The following CUX1 variants were observed in gnomAD, a reference collection of about 807,000 sequenced individuals.
CUX1 encodes the protein cut like homeobox 1.
A neutral mutation model predicts 158.8 loss-of-function variants in CUX1; 31 were observed. The ratio of observed to expected loss-of-function variants is 0.20; its 90% CI spans 0.15 to 0.26. The LOEUF (loss-of-function observed/expected upper bound fraction) is 0.26, where lower values mean the gene tolerates loss of function less well. CUX1 is among the 10% of genes least tolerant of loss of function. The pLI, the probability that CUX1 is intolerant of heterozygous loss-of-function variation, is 1.00. For synonymous variants in CUX1, 879 were observed against 862.1 expected (o/e 1.02, Z -0.34); for missense variants, 1,589 against 2,014.6 (o/e 0.79, Z 4.04).
intron 3 of CUX1, among the ~76,000 whole-genome samples, chr7:102,049,309 G>A (rs114859887): frequency 0.011 from 1,724 of 152,314 alleles, 36 homozygotes; most frequent in African/African-American, 0.038. Flanking sequence ...GCTTCGTTCC[G>A]TTCTGCCATT....
chr7:102,252,252 G>A lies in CUX1; in HGVS notation c.*3210G>A, dbSNP rs1554540386. 1.0e-6 allele frequency: 1 copy of A among 985,346 alleles called. No individual in the cohort carries two copies. The highest frequency in any genetic ancestry group is 1.7e-5 in the African/African-American group (1 of 57,234). The allele number at this position is 985,346 out of a possible 1,614,324, so 61.0% of individuals were successfully genotyped here. A position where few individuals can be genotyped will look rare whatever the true frequency, so the allele number is the denominator to read the frequency against. ...GCCAGGGGAGCACCCCCTCCTGGTT[G>A]GGCCCCTCAGTTGGAGTCTAAGGGT... On this transcript the variant is annotated 3_prime_UTR_variant, in exon 24 of 24. Transcript: ENST00000292535.
intron 1 of CUX1, among the ~76,000 whole-genome samples, chr7:101,872,020 C>CA (rs957631886): frequency 3.2e-4 from 45 of 142,040 alleles, no homozygotes; most frequent in Non-Finnish European, 2.6e-4. Flanking sequence ...TCCATCCCCC[C>CA]AAAAAAAAAA....
At chr7:102,012,087 AG>A (rs1313741649) in intron 2 of CUX1, among the ~76,000 whole-genome samples, 3 of 152,138 alleles carry the variant, frequency 2.0e-5, no homozygotes, top group African/African-American at 7.2e-5. Context: ...ACTCTTTGAA[AG>A]GGTATTCTAA....
rs371896293 is a variant in CUX1 at position 101,958,773 on chromosome 7, C to T, written c.141+42548C>T. 3.3e-5 allele frequency among the ~76,000 whole-genome samples: 5 copies of T among 150,634 alleles called. No individual in the cohort carries two copies. The East Asian group carries it at 9.8e-4, about 30-fold the overall frequency. On this transcript the variant is annotated intron_variant, in intron 2 of 23. Coordinates refer to ENST00000292535, the MANE Select transcript of CUX1 (RefSeq NM_181552.4). ...GGGATTACAGGCATGAGCCACTGGC[C>T]AGTCCTGAAGTTTTCACAGAAGCAT...
At position 102,104,324 on chromosome 7, in the gene CUX1, T is replaced by TC. The variant is rs1554487658; in HGVS notation, c.407-11dup. ...TTCTCTTACTGTAGGTTTTTTTTTT[T>TC]CTTTTCTGCAGAGGTTACGATAAAA... On this transcript the variant is annotated splice_polypyrimidine_tract_variant and intron_variant, in intron 5 of 23. Coordinates refer to ENST00000292535, the MANE Select transcript of CUX1 (RefSeq NM_181552.4). The TC allele has an allele frequency of 4.4e-6, 7 of 1,585,382 alleles. No individual in the cohort carries two copies. The South Asian group carries it at 8.0e-5, about 18-fold the overall frequency.
In CUX1 at chr7:101,832,668, G is replaced by T. The variant is rs149018573; in HGVS notation, c.30+14999G>T. 2.2e-3 allele frequency among the ~76,000 whole-genome samples: 338 copies of T among 152,268 alleles called. 1 individual carries two copies. Among genetic ancestry groups the T allele is most frequent in the Non-Finnish European group, 3.9e-3 (262 of 68,030 alleles). ...ATGTAATTCTAATGGAAATAAACCC[G>T]AACCTTTCAAAATTATGTAATTAAT... On this transcript the variant is annotated intron_variant, in intron 1 of 23. Coordinates refer to ENST00000292535, the MANE Select transcript of CUX1 (RefSeq NM_181552.4).
intron 9 of CUX1, among the ~76,000 whole-genome samples, chr7:102,166,993 C>A (rs1052430404): frequency 6.6e-6 from 1 of 152,092 alleles, no homozygotes; most frequent in South Asian, 2.1e-4. Context: ...TCAGGCCGGG[C>A]GCGGTGGCTC....
intron 1 of CUX1, among the ~76,000 whole-genome samples, chr7:101,841,291 AT>A (rs57542003): frequency 2.7e-4 from 40 of 148,974 alleles, no homozygotes; most frequent in African/African-American, 6.9e-4. Flanking sequence ...TGATCATAGT[AT>A]TTTTTTTTTG....
intron 3 of CUX1, among the ~76,000 whole-genome samples, chr7:102,030,941 A>C (rs1820722490): frequency 6.6e-6 from 1 of 152,066 alleles, no homozygotes; most frequent in South Asian, 2.1e-4. Context: ...GGCTCAAGCC[A>C]TCCTCCCACC....
intron 1 of CUX1, among the ~76,000 whole-genome samples, chr7:101,831,194 T>C (rs904320872): frequency 6.6e-6 from 1 of 152,180 alleles, no homozygotes; most frequent in African/African-American, 2.4e-5. Context: ...TAGGCTGTTG[T>C]TGAGCATTTA....
Position 102,201,213 on chromosome 7 carries a change from TC to T in CUX1, c.2063-146del. On this transcript the variant is annotated intron_variant, in intron 17 of 23. Coordinates refer to ENST00000292535, the MANE Select transcript of CUX1 (RefSeq NM_181552.4). This position sits in a 1 kb window ranked among gnomAD's most constrained non-coding sequence, Gnocchi z 5.0. The stretch of plus-strand genomic sequence containing the variant: ...GGTTGAGACAAGATGCCTGAATGTT[TC>T]ACTGACAGGGGCCATGCTGGGGAAA... 8.1e-7 allele frequency: 1 copy of T among 1,232,230 alleles called. No individual in the cohort carries two copies. The highest frequency in any genetic ancestry group is 1.5e-5 in the African/African-American group (1 of 66,346). 76.3% of individuals were successfully genotyped at this position (1,232,230 alleles called of 1,614,324 possible). A position where few individuals can be genotyped will look rare whatever the true frequency, so the allele number is the denominator to read the frequency against.
intron 3 of CUX1, 106 bp from the exon 4 acceptor site, chr7:102,070,233 A>G (rs1044540013): frequency 2.2e-6 from 2 of 923,066 alleles, no homozygotes; most frequent in African/African-American, 3.3e-5. Flanking sequence ...GTTGTCAAGC[A>G]TCTCCCTTGC....
At chr7:101,844,129 T>C (rs1406047234) in intron 1 of CUX1, among the ~76,000 whole-genome samples, 1 of 152,114 alleles carries the variant, frequency 6.6e-6, no homozygotes, top group Non-Finnish European at 1.5e-5. Context: ...TAAAGAAATC[T>C]GACTGGGAAC....
intron 21 of CUX1, among the ~76,000 whole-genome samples, chr7:102,228,002 G>A (rs975636976): frequency 1.2e-4 from 18 of 145,514 alleles, no homozygotes; most frequent in Non-Finnish European, 6.0e-5. Context: ...CCAGGCTGGA[G>A]TGCAGTGGCA....
At chr7:102,206,152 A>G (rs959781908) in intron 20 of CUX1, among the ~76,000 whole-genome samples, 1 of 152,202 alleles carries the variant, frequency 6.6e-6, no homozygotes, top group East Asian at 1.9e-4. Flanking sequence ...TGCTGCTTCT[A>G]CAAGAGACCA....
At chr7:102,064,791 C>T (rs1170636835) in intron 3 of CUX1, among the ~76,000 whole-genome samples, 1 of 152,060 alleles carries the variant, frequency 6.6e-6, no homozygotes, top group Non-Finnish European at 1.5e-5. Flanking sequence ...GTCCCCTCCT[C>T]GTGCAGAGGA....
At chr7:102,136,813 C>T (rs1833958684) in intron 8 of CUX1, among the ~76,000 whole-genome samples, 1 of 152,220 alleles carries the variant, frequency 6.6e-6, no homozygotes, top group South Asian at 2.1e-4. Context: ...AATTTTTCTA[C>T]AGATGGAGTT....
intron 3 of CUX1, among the ~76,000 whole-genome samples, chr7:102,069,405 C>G (rs1161776032): frequency 6.6e-6 from 1 of 152,162 alleles, no homozygotes; most frequent in Non-Finnish European, 1.5e-5. Context: ...GACTCTTAAT[C>G]TGGACTCCAG....
chr7:101,841,310 G>A (rs993234167), intron 1 of CUX1, among the ~76,000 whole-genome samples: 1 of 151,344 alleles, frequency 6.6e-6, no homozygotes, highest in Non-Finnish European at 1.5e-5. Flanking sequence ...TTGTAAATCT[G>A]TTTTGAACTC....
Sources: allele counts gnomAD v4.1 joint callset (sites outside exome capture counted in the v4.1 genomes callset), GRCh38; gene constraint gnomAD v4.1.1; non-coding constraint Gnocchi (gnomAD v3.1); transcripts MANE v1.5; gene names NCBI Gene and HGNC (gene_info 2026-07-23, HGNC 2026-07-21).